The following SLCO1B3 variants were observed in gnomAD, a reference collection of about 807,000 sequenced individuals.
SLCO1B3 encodes liver-specific organic anion transporter 2.
SLCO1B3 carries 72 observed loss-of-function variants against 71.8 expected under a neutral mutation model. The ratio of observed to expected loss-of-function variants is 1.00; its 90% CI spans 0.83 to 1.22. The LOEUF (loss-of-function observed/expected upper bound fraction) is 1.22. Ranked by LOEUF, SLCO1B3 falls within the 50% of genes most tolerant of loss-of-function variation. The probability of loss-of-function intolerance (pLI) is 0.00; values close to 1 mark genes in which losing one functional copy is unlikely to be tolerated. For synonymous variants in SLCO1B3, 298 were observed against 278.4 expected, an observed-to-expected ratio of 1.07 and a Z score of -0.70; for missense variants, 911 against 819.7, an observed-to-expected ratio of 1.11 and a Z score of -1.36.
Position 20,844,204 on chromosome 12 carries a change from A to G in SLCO1B3, c.85-10824A>G, listed in dbSNP as rs1002668332. ...GTATACCTTAAACTTAAAGATATTTATATATACATAAGTGTAAGTTATATA... is the reference window on the plus strand; with the variant it reads ...GTATACCTTAAACTTAAAGATATTTGTATATACATAAGTGTAAGTTATATA... On this transcript the variant is annotated intron_variant, in intron 3 of 15. Transcript: ENST00000381545. Among the ~76,000 whole-genome samples, 3 of 152,190 alleles carry G rather than the reference A, an allele frequency of 2.0e-5. No homozygotes were observed. The East Asian group carries it at 5.8e-4, about 29-fold the overall frequency.
chr12:20,837,272 G>A (rs1159439861), intron 3 of SLCO1B3, among the ~76,000 whole-genome samples: 1 of 151,730 alleles, frequency 6.6e-6, no homozygotes, highest in Non-Finnish European at 1.5e-5. Flanking sequence ...CAAGTCTTTG[G>A]TTGTGTATAT....
chr12:20,818,165 G>T (rs890724188), intron 3 of SLCO1B3, among the ~76,000 whole-genome samples: 1 of 152,152 alleles, frequency 6.6e-6, no homozygotes, highest in Non-Finnish European at 1.5e-5. Context: ...GTACCTTGTA[G>T]CATTCTGAGG....
At chr12:20,824,493 A>C (rs916328740) in intron 3 of SLCO1B3, among the ~76,000 whole-genome samples, 4 of 152,194 alleles carry the variant, frequency 2.6e-5, no homozygotes, top group Non-Finnish European at 5.9e-5. Context: ...GTAAAACAAC[A>C]ATTGTGAATG....
At chr12:20,821,767 C>A (rs533935702) in intron 3 of SLCO1B3, among the ~76,000 whole-genome samples, 1 of 152,266 alleles carries the variant, frequency 6.6e-6, no homozygotes, top group African/African-American at 2.4e-5. Flanking sequence ...GGCATCCCTG[C>A]GTGGTCTGAC....
At chr12:20,858,399 T>G (rs1240812639) in intron 4 of SLCO1B3, 40 bp from the exon 5 acceptor site, 1 of 1,436,696 alleles carries the variant, frequency 7.0e-7, no homozygotes, top group African/African-American at 1.4e-5. Flanking sequence ...GATACAAAAT[T>G]ACACTAAGTC....
intron 3 of SLCO1B3, among the ~76,000 whole-genome samples, chr12:20,843,565 G>A (rs1269450485): frequency 1.3e-5 from 2 of 152,186 alleles, no homozygotes; most frequent in South Asian, 2.1e-4. Context: ...TGGATCACAA[G>A]ATCAGGAGAT....
chr12:20,830,938 A>G (rs1187475663), intron 3 of SLCO1B3, among the ~76,000 whole-genome samples: 1 of 152,236 alleles, frequency 6.6e-6, no homozygotes, highest in East Asian at 1.9e-4. Flanking sequence ...TTTCATGTGC[A>G]TAGCAAAGTG....
At position 20,815,684 on chromosome 12, in the gene SLCO1B3, C is replaced by T; in HGVS notation, c.-55C>T. 1.7e-6 allele frequency: 2 copies of T among 1,195,596 alleles called. No individual in the cohort carries two copies. Among genetic ancestry groups the T allele is most frequent in the African/African-American group, 1.5e-5 (1 of 65,868 alleles). 74.1% of individuals were successfully genotyped at this position (1,195,596 alleles called of 1,614,324 possible). On this transcript the variant is annotated 5_prime_UTR_variant, in exon 3 of 16. Transcript: ENST00000381545. ...TTTCTTTTTTAACAGGTGATCATTT[C>T]AAACCAAGCATCAGCAACAATTAAA...
intron 8 of SLCO1B3, among the ~76,000 whole-genome samples, chr12:20,869,913 AT>A (rs910930576): frequency 3.2e-4 from 48 of 152,144 alleles, no homozygotes; most frequent in African/African-American, 1.1e-3. Context: ...ACTTCATACT[AT>A]TTTTTTATAC....
chr12:20,840,216 A>G (rs1048842148), intron 3 of SLCO1B3, among the ~76,000 whole-genome samples: 2 of 152,080 alleles, frequency 1.3e-5, no homozygotes, highest in African/African-American at 2.4e-5. Context: ...GACTTGTAAT[A>G]TCTCCTTGAT....
intron 8 of SLCO1B3, among the ~76,000 whole-genome samples, chr12:20,864,787 G>A (rs1285275862): frequency 2.0e-5 from 3 of 152,152 alleles, no homozygotes; most frequent in African/African-American, 7.2e-5. Context: ...AGCATGAAGT[G>A]AACTTATGAT....
chr12:20,857,632 A>C (rs908885403), intron 4 of SLCO1B3, among the ~76,000 whole-genome samples: 1 of 151,972 alleles, frequency 6.6e-6, no homozygotes, highest in South Asian at 2.1e-4. Context: ...AAATATACTA[A>C]CAGGATTTTT....
chr12:20,846,543 A>T (rs1219500818), intron 3 of SLCO1B3, among the ~76,000 whole-genome samples: 1 of 152,220 alleles, frequency 6.6e-6, no homozygotes, highest in Admixed American at 6.5e-5. Flanking sequence ...AACAATGACA[A>T]TGAGTGAGTT....
At chr12:20,835,948 AAAG>A (rs1306477873) in intron 3 of SLCO1B3, among the ~76,000 whole-genome samples, 2 of 152,212 alleles carry the variant, frequency 1.3e-5, no homozygotes, top group African/African-American at 4.8e-5. Flanking sequence ...TTATAAAGAA[AAAG>A]AAGTTTAATG....
intron 3 of SLCO1B3, among the ~76,000 whole-genome samples, chr12:20,820,959 C>T (rs12822418): frequency 0.14 from 21,512 of 151,882 alleles, 1,640 homozygotes; most frequent in African/African-American, 0.2. Flanking sequence ...AACTGTAAGC[C>T]GGATCAGGTG....
rs757283245 is a variant in SLCO1B3 at position 20,879,629 on chromosome 12, T to TG, written c.1331+1dup. 1.3e-6 allele frequency: 2 copies of TG among 1,593,184 alleles called. No individual in the cohort carries two copies. Among genetic ancestry groups the TG allele is most frequent in the Non-Finnish European group, 1.7e-6 (2 of 1,166,082 alleles). The stretch of plus-strand genomic sequence containing the variant: ...TTGCCGGCCTAACCTTGACCTATGA[T>TG]GGGTTTGTATATATTGCTATATAAA... On this transcript the variant is annotated frameshift_variant and splice_region_variant, in exon 11 of 16. Coordinates refer to ENST00000381545, the MANE Select transcript of SLCO1B3 (RefSeq NM_019844.4). LOFTEE classifies it high-confidence loss of function.
intron 15 of SLCO1B3, 73 bp from the exon 16 acceptor site, chr12:20,915,931 C>G: frequency 8.3e-7 from 1 of 1,199,732 alleles, no homozygotes. Flanking sequence ...GATATGCATA[C>G]TGGGGAGAAA....
At chr12:20,811,992 C>T (rs1314002844) in intron 1 of SLCO1B3, among the ~76,000 whole-genome samples, 1 of 149,920 alleles carries the variant, frequency 6.7e-6, no homozygotes, top group Admixed American at 6.7e-5. Context: ...ACCACAACCT[C>T]AGCCTCCTGG....
At chr12:20,839,167 G>T (rs987556437) in intron 3 of SLCO1B3, among the ~76,000 whole-genome samples, 1 of 151,602 alleles carries the variant, frequency 6.6e-6, no homozygotes, top group Non-Finnish European at 1.5e-5. Flanking sequence ...ATACATTATA[G>T]ATATTATTAT....
Sources: gnomAD v4.1 joint callset for allele counts (sites outside exome capture counted in the v4.1 genomes callset) on GRCh38, gnomAD v4.1.1 for gene constraint, MANE v1.5 for transcripts, NCBI Gene and HGNC (gene_info 2026-07-23, HGNC 2026-07-21) for gene names.